TMEM108: variants seen among roughly 807,000 people sequenced by gnomAD.
TMEM108 encodes transmembrane protein 108.
In TMEM108, 12 loss-of-function variants were observed where a neutral mutation model predicts 35.1. The ratio of observed to expected loss-of-function variants is 0.34; its 90% CI spans 0.22 to 0.55. TMEM108 has a LOEUF of 0.55. TMEM108 is among the 20% of genes least tolerant of loss of function. The probability of loss-of-function intolerance (pLI) is 0.89; values close to 1 mark genes in which losing one functional copy is unlikely to be tolerated. For synonymous variants in TMEM108, 287 were observed against 308.6 expected (o/e 0.93, Z 0.73); for missense variants, 680 against 753.3 (o/e 0.90, Z 1.14).
intron 2 of TMEM108, among the ~76,000 whole-genome samples, chr3:133,082,020 A>G (rs1168940972): frequency 1.3e-5 from 2 of 152,202 alleles, no homozygotes; most frequent in African/African-American, 2.4e-5. Flanking sequence ...AAAGACACCC[A>G]CAGCTAGGAG....
rs140588008 is a variant in TMEM108 at position 133,215,243 on chromosome 3, C to T, written c.-46-14023C>T. 3.7e-3 allele frequency among the ~76,000 whole-genome samples: 567 copies of T among 151,960 alleles called. 3 individuals are homozygous for T. Among genetic ancestry groups the T allele is most frequent in the African/African-American group, 0.013 (532 of 41,476 alleles). On this transcript the variant is annotated intron_variant, in intron 2 of 5. Transcript: ENST00000321871. Reference sequence around the variant, plus strand: ...CTTATGCCTGAATGAAGCTAATCTACAGCATTTTCTGTAAAAGCTACATCA... The same window carrying T: ...CTTATGCCTGAATGAAGCTAATCTATAGCATTTTCTGTAAAAGCTACATCA...
At chr3:133,052,684 C>G (rs1943419728) in intron 2 of TMEM108, among the ~76,000 whole-genome samples, 1 of 151,606 alleles carries the variant, frequency 6.6e-6, no homozygotes, top group Admixed American at 6.6e-5. Flanking sequence ...TTTGGTTTGC[C>G]TTTCTTACCC....
rs1214700986 is a variant in TMEM108 at position 133,346,631 on chromosome 3, C to G, written c.41-33121C>G. On this transcript the variant is annotated intron_variant, in intron 3 of 5. Transcript: ENST00000321871. The surrounding 1 kb of genome is among the most constrained non-coding windows in gnomAD (Gnocchi z 4.0). ...CTTTTATTCTTTGAATTTATCACAG[C>G]AGAAGTTTTAAATTTAATAAAGTCC... Among the ~76,000 whole-genome samples, 1 of 151,940 alleles carries G rather than the reference C, an allele frequency of 6.6e-6. No homozygotes were observed. The highest frequency in any genetic ancestry group is 2.4e-5 in the African/African-American group (1 of 41,396).
intron 3 of TMEM108, among the ~76,000 whole-genome samples, chr3:133,357,943 G>C (rs925746782): frequency 1.6e-4 from 24 of 152,018 alleles, no homozygotes; most frequent in Non-Finnish European, 1.5e-4. Flanking sequence ...AAAAAATATA[G>C]CTTAATAATA....
At position 133,211,636 on chromosome 3, in the gene TMEM108, G is replaced by A. The variant is rs1007027269; in HGVS notation, c.-46-17630G>A. On this transcript the variant is annotated intron_variant, in intron 2 of 5. Transcript: ENST00000321871. ...ATGATCCTAATTCACTTTAATGCCGGAAGAAGGAGGTTCTGTGTCATTCTA... is the reference window on the plus strand; with the variant it reads ...ATGATCCTAATTCACTTTAATGCCGAAAGAAGGAGGTTCTGTGTCATTCTA... 5.9e-5 allele frequency among the ~76,000 whole-genome samples: 9 copies of A among 152,284 alleles called. No homozygotes were observed. In the East Asian group the frequency reaches 9.7e-4, roughly 16 times the overall value.
chr3:133,233,243 C>T (rs868768585), intron 3 of TMEM108, among the ~76,000 whole-genome samples: 6 of 151,598 alleles, frequency 4.0e-5, no homozygotes, highest in East Asian at 1.9e-4. Context: ...CCTGTGTCCA[C>T]GTGTTCTCAT....
intron 2 of TMEM108, among the ~76,000 whole-genome samples, chr3:133,181,000 A>G (rs974736204): frequency 4.8e-5 from 5 of 104,220 alleles, no homozygotes; most frequent in Admixed American, 1.2e-4. Context: ...GCTATTGGGC[A>G]GTTGTGTTAA....
intron 2 of TMEM108, among the ~76,000 whole-genome samples, chr3:133,226,194 C>G (rs181930501): frequency 6.6e-4 from 100 of 152,202 alleles, no homozygotes; most frequent in Admixed American, 5.7e-3. Flanking sequence ...GTGGTGGAAA[C>G]CAAGATTCTC....
chr3:133,320,735 A>C (rs1452763388), intron 3 of TMEM108, among the ~76,000 whole-genome samples: 1 of 152,190 alleles, frequency 6.6e-6, no homozygotes, highest in East Asian at 1.9e-4. Flanking sequence ...ATCCAAAGTC[A>C]AGACAGGGAA....
chr3:133,347,519 TTTG>T (rs1346467555), intron 3 of TMEM108, among the ~76,000 whole-genome samples: 4 of 152,086 alleles, frequency 2.6e-5, no homozygotes, highest in African/African-American at 9.7e-5. Flanking sequence ...TCCAGTATTT[TTTG>T]TTGTTGTTGT....
At chr3:133,149,543 TTTCTATGAG>T (rs1944768035) in intron 2 of TMEM108, among the ~76,000 whole-genome samples, 1 of 152,200 alleles carries the variant, frequency 6.6e-6, no homozygotes, top group African/African-American at 2.4e-5. Flanking sequence ...CTCTACTCTG[TTTCTATGAG>T]TTCAACTGCT....
Position 133,381,106 on chromosome 3 carries a change from C to A in TMEM108, c.1395C>A (p.Ser465Arg). ...AGCACAGAGCCACCATCTGCCTGAG[C>A]AAGATGGATATCGCCTGGGTGATCC... The part of the protein sequence containing the change: ...KPQHRATICL[S>R]KMDIAWVILA... The change falls in exon 4 of 6, where the codon AGC becomes AGA. Residue 465 changes from serine to arginine, a missense_variant. Coordinates refer to ENST00000321871, the MANE Select transcript of TMEM108 (RefSeq NM_023943.4). 1 of 1,613,550 alleles carries A rather than the reference C, an allele frequency of 6.2e-7. No homozygotes were observed.
chr3:133,201,528 T>C (rs187599595), intron 2 of TMEM108, among the ~76,000 whole-genome samples: 16 of 151,266 alleles, frequency 1.1e-4, no homozygotes, highest in Admixed American at 2.0e-4. Context: ...TCAACCCCTA[T>C]TTATGAGTGA....
chr3:133,386,340 C>G (rs1187132037), intron 4 of TMEM108: 4 of 1,490,692 alleles, frequency 2.7e-6, no homozygotes, highest in African/African-American at 2.8e-5. Flanking sequence ...CAAACAGGCC[C>G]GGGAAAGAGC....
At chr3:133,194,004 T>A (rs1945540362) in intron 2 of TMEM108, among the ~76,000 whole-genome samples, 1 of 151,444 alleles carries the variant, frequency 6.6e-6, no homozygotes, top group South Asian at 2.1e-4. Context: ...TGGTGCGATC[T>A]TGGCTCACTG....
intron 3 of TMEM108, among the ~76,000 whole-genome samples, chr3:133,236,617 A>T (rs1013358679): frequency 6.6e-6 from 1 of 152,110 alleles, no homozygotes; most frequent in African/African-American, 2.4e-5. Context: ...TCTGGAACTG[A>T]GTGGAACCCT....
chr3:133,388,785 G>A (rs1433122739), intron 4 of TMEM108: 2 of 985,312 alleles, frequency 2.0e-6, no homozygotes, highest in Non-Finnish European at 2.4e-6. Flanking sequence ...AGGGCCCTGG[G>A]CTCTGGGCTG....
intron 3 of TMEM108, among the ~76,000 whole-genome samples, chr3:133,231,353 T>C (rs945720804): frequency 7.9e-5 from 12 of 152,180 alleles, no homozygotes; most frequent in Non-Finnish European, 1.6e-4. Context: ...TTTATTTCGT[T>C]CATGAATCTG....
chr3:133,327,942 A>G (rs905883516), intron 3 of TMEM108, among the ~76,000 whole-genome samples: 4 of 152,180 alleles, frequency 2.6e-5, no homozygotes, highest in African/African-American at 9.7e-5. Context: ...CCACATGCTT[A>G]ACTGATAGCC....
Sources: gnomAD v4.1 joint callset for allele counts (sites outside exome capture counted in the v4.1 genomes callset) on GRCh38, gnomAD v4.1.1 for gene constraint, Gnocchi (gnomAD v3.1) non-coding constraint, MANE v1.5 for transcripts, NCBI Gene and HGNC (gene_info 2026-07-23, HGNC 2026-07-21) for gene names.